GFPT1: variants seen among roughly 807,000 people sequenced by gnomAD.
The protein encoded by GFPT1 is glutamine--fructose-6-phosphate aminotransferase [isomerizing] 1.
GFPT1 carries 40 observed loss-of-function variants against 92.0 expected under a neutral mutation model. The observed-to-expected ratio is 0.43, with a 90% CI of 0.34 to 0.57. GFPT1 has a LOEUF of 0.57. Among genes scored for constraint, GFPT1 ranks in the 20% least tolerant of loss-of-function variants. The pLI, the probability that GFPT1 is intolerant of heterozygous loss-of-function variation, is 0.02. For missense variants in GFPT1, 448 were observed against 869.1 expected, an observed-to-expected ratio of 0.52 and a Z score of 6.09; for synonymous variants, 269 against 280.6, an observed-to-expected ratio of 0.96 and a Z score of 0.41.
At chr2:69,382,106 C>T (rs1031327686) in intron 1 of GFPT1, among the ~76,000 whole-genome samples, 1 of 152,034 alleles carries the variant, frequency 6.6e-6, no homozygotes, top group African/African-American at 2.4e-5. Flanking sequence ...TCAAGTGATT[C>T]GCCCACCTCA....
intron 1 of GFPT1, among the ~76,000 whole-genome samples, chr2:69,379,013 G>C (rs1671944134): frequency 6.6e-6 from 1 of 152,086 alleles, no homozygotes; most frequent in South Asian, 2.1e-4. Context: ...TGTGGGAAGA[G>C]AGGCAGAGGT....
chr2:69,345,881 T>G, intron 12 of GFPT1, 23 bp downstream of exon 12: 1 of 1,251,054 alleles, frequency 8.0e-7, no homozygotes, highest in Non-Finnish European at 1.2e-6. Flanking sequence ...ACTGAAATAA[T>G]AAAATAATTC....
chr2:69,358,488 T>C (rs1279317615), intron 5 of GFPT1, 25 bp from the exon 6 acceptor site: 4 of 1,510,412 alleles, frequency 2.6e-6, no homozygotes, highest in Middle Eastern at 1.7e-4. Flanking sequence ...AAAAAAAAGA[T>C]ACAATTAAAG....
chr2:69,343,631 C>T (rs1671010054), intron 12 of GFPT1, among the ~76,000 whole-genome samples: 1 of 151,872 alleles, frequency 6.6e-6, no homozygotes, highest in African/African-American at 2.4e-5. Flanking sequence ...AGGCTCGTCT[C>T]GGACTCCTGA....
intron 4 of GFPT1, among the ~76,000 whole-genome samples, chr2:69,360,078 A>C (rs1470594441): frequency 6.6e-6 from 1 of 152,226 alleles, no homozygotes; most frequent in Non-Finnish European, 1.5e-5. Context: ...CTGTAATCCC[A>C]GCACTTTAAG....
intron 1 of GFPT1, among the ~76,000 whole-genome samples, chr2:69,384,419 T>C (rs143848775): frequency 1.3e-4 from 20 of 152,222 alleles, no homozygotes; most frequent in Admixed American, 6.5e-4. Context: ...AATAATCTTT[T>C]AGGCAAATTT....
intron 15 of GFPT1, among the ~76,000 whole-genome samples, chr2:69,332,299 C>CTTTCT (rs1044179092): frequency 8.1e-5 from 12 of 148,198 alleles, no homozygotes; most frequent in African/African-American, 2.7e-4. Flanking sequence ...TTTTTCTAGT[C>CTTTCT]TTTCTTTTCT....
intron 1 of GFPT1, among the ~76,000 whole-genome samples, chr2:69,377,104 C>T (rs567317377): frequency 3.4e-5 from 5 of 145,354 alleles, no homozygotes; most frequent in Admixed American, 2.9e-4. Context: ...GCTACTCAGG[C>T]GGCTGAAGCA....
rs574487175 is a variant in GFPT1 at position 69,364,262 on chromosome 2, T to C, written c.224-592A>G. ...TTAGGAGTTTATGCAACTGAAATATTGAAGGCAAATGGTTTCAATAACAAC... is the reference window on the plus strand; with the variant it reads ...TTAGGAGTTTATGCAACTGAAATATCGAAGGCAAATGGTTTCAATAACAAC... On this transcript the variant is annotated intron_variant, in intron 3 of 19. Transcript: ENST00000357308. 7.9e-5 allele frequency among the ~76,000 whole-genome samples: 12 copies of C among 152,274 alleles called. No homozygotes were observed. In the East Asian group the frequency reaches 2.3e-3, roughly 29 times the overall value.
chr2:69,384,142 T>C (rs971722362), intron 1 of GFPT1, among the ~76,000 whole-genome samples: 2 of 152,200 alleles, frequency 1.3e-5, no homozygotes, highest in Non-Finnish European at 2.9e-5. Flanking sequence ...ACTATTCTTC[T>C]CTGGGAGATT....
In GFPT1 at chr2:69,328,449, A is replaced by C. The variant is rs780886397; in HGVS notation, c.1726-11T>G. On this transcript the variant is annotated splice_polypyrimidine_tract_variant and intron_variant, in intron 17 of 19. Transcript: ENST00000357308. ...AATTTCTTTGATTTTCTAATAGGAA[A>C]GAACCAGATTTGTCTTCAATCCACT... 1.2e-6 allele frequency: 2 copies of C among 1,601,960 alleles called. No homozygotes were observed. Among genetic ancestry groups the C allele is most frequent in the African/African-American group, 2.7e-5 (2 of 74,702 alleles).
intron 2 of GFPT1, among the ~76,000 whole-genome samples, chr2:69,371,853 AAAAT>A (rs936663960): frequency 6.6e-6 from 1 of 151,738 alleles, no homozygotes; most frequent in Admixed American, 6.6e-5. Flanking sequence ...ATAAAAATTA[AAAAT>A]AAATAAAAAA....
chr2:69,331,420 T>G (rs1670661079), intron 15 of GFPT1, among the ~76,000 whole-genome samples: 2 of 152,226 alleles, frequency 1.3e-5, no homozygotes, highest in Admixed American at 1.3e-4. Flanking sequence ...GGTGGTCAGA[T>G]TCTACTTTGA....
rs900495897 is a variant in GFPT1 at position 69,319,921 on chromosome 2, C to G, written c.*6268G>C. The G allele has an allele frequency of 1.5e-4, 23 of 152,154 alleles. No homozygotes were observed. The highest frequency in any genetic ancestry group is 5.3e-4 in the African/African-American group (22 of 41,436). 9.4% of individuals were successfully genotyped at this position (152,154 alleles called of 1,614,324 possible). On this transcript the variant is annotated 3_prime_UTR_variant, in exon 20 of 20. Coordinates refer to ENST00000357308, the MANE Select transcript of GFPT1 (RefSeq NM_001244710.2). Reference sequence around the variant, plus strand: ...CAAAAGCCCCCATAAATTAGAGTGGCTAGACACATTCAAGTCTAGCAGAAA... The same window carrying G: ...CAAAAGCCCCCATAAATTAGAGTGGGTAGACACATTCAAGTCTAGCAGAAA...
At chr2:69,346,949 G>A (rs562340346) in intron 11 of GFPT1, among the ~76,000 whole-genome samples, 3 of 151,488 alleles carry the variant, frequency 2.0e-5, no homozygotes, top group East Asian at 1.9e-4. Context: ...TCACTCTGTC[G>A]CCCAGGCTGG....
intron 7 of GFPT1, among the ~76,000 whole-genome samples, chr2:69,356,044 T>C (rs1671329542): frequency 7.6e-6 from 1 of 131,312 alleles, no homozygotes; most frequent in South Asian, 2.5e-4. Context: ...CAGGCTGGAG[T>C]GCAGTGGCAC....
intron 14 of GFPT1, 73 bp downstream of exon 14, chr2:69,338,372 C>T (rs950491894): frequency 9.1e-6 from 12 of 1,314,758 alleles, no homozygotes; most frequent in Non-Finnish European, 1.2e-5. Flanking sequence ...TAAATATCAG[C>T]TTTTGCCAAG....
chr2:69,358,222 A>T, intron 6 of GFPT1, 107 bp downstream of exon 6: 1 of 922,750 alleles, frequency 1.1e-6, no homozygotes, highest in Non-Finnish European at 1.7e-6. Flanking sequence ...GAGAAATAAA[A>T]GCCAAAAATA....
chr2:69,383,255 G>C (rs1672051286), intron 1 of GFPT1, among the ~76,000 whole-genome samples: 1 of 152,158 alleles, frequency 6.6e-6, no homozygotes, highest in Non-Finnish European at 1.5e-5. Flanking sequence ...TGCTAATTGT[G>C]AATCTCCAAG....
Sources: allele counts gnomAD v4.1 joint callset (sites outside exome capture counted in the v4.1 genomes callset), GRCh38; gene constraint gnomAD v4.1.1; transcripts MANE v1.5; gene names NCBI Gene and HGNC (gene_info 2026-07-23, HGNC 2026-07-21).